The following PTPRR variants were observed in gnomAD, a reference collection of about 807,000 sequenced individuals.
PTPRR encodes the protein protein tyrosine phosphatase receptor type R, also known as receptor-type tyrosine-protein phosphatase R.
PTPRR carries 38 observed loss-of-function variants against 77.2 expected under a neutral mutation model. The observed-to-expected ratio is 0.49, with a 90% CI of 0.38 to 0.65. The LOEUF (loss-of-function observed/expected upper bound fraction) is 0.65. PTPRR is among the 30% of genes least tolerant of loss of function. PTPRR has a pLI of 0.00. For synonymous variants in PTPRR, 299 were observed against 283.1 expected (o/e 1.06, Z -0.57); for missense variants, 744 against 799.2 (o/e 0.93, Z 0.83).
intron 1 of PTPRR, among the ~76,000 whole-genome samples, chr12:70,896,850 A>T (rs10748161): frequency 0.29 from 43,408 of 151,316 alleles, 7,034 homozygotes; most frequent in East Asian, 0.48. Flanking sequence ...TTTTCCCAGC[A>T]CCATTTATTA....
intron 2 of PTPRR, among the ~76,000 whole-genome samples, chr12:70,818,274 A>T (rs555202152): frequency 3.4e-4 from 52 of 151,848 alleles, no homozygotes; most frequent in African/African-American, 1.3e-3. Flanking sequence ...TTTGTGAGAC[A>T]GGACATACAC....
chr12:70,643,411 G>A (rs549533632), intron 13 of PTPRR, among the ~76,000 whole-genome samples: 12 of 152,228 alleles, frequency 7.9e-5, no homozygotes, highest in Non-Finnish European at 1.6e-4. Context: ...CTAGGCTCAG[G>A]CAATCCATCC....
intron 2 of PTPRR, among the ~76,000 whole-genome samples, chr12:70,872,166 A>T (rs995510074): frequency 3.3e-5 from 5 of 152,194 alleles, no homozygotes; most frequent in African/African-American, 1.2e-4. Flanking sequence ...CCATCTAAAA[A>T]TGTAAACAGA....
intron 12 of PTPRR, among the ~76,000 whole-genome samples, chr12:70,658,129 T>G (rs1160264317): frequency 1.3e-5 from 2 of 152,224 alleles, no homozygotes; most frequent in Non-Finnish European, 2.9e-5. Context: ...TATTTTGCTG[T>G]CTTCCCTCCC....
intron 2 of PTPRR, among the ~76,000 whole-genome samples, chr12:70,863,073 A>G (rs1474618325): frequency 6.6e-6 from 1 of 152,166 alleles, no homozygotes; most frequent in East Asian, 1.9e-4. Flanking sequence ...ATTCTCTACT[A>G]GAGGTCTAAC....
Position 70,806,726 on chromosome 12 carries a change from C to T in PTPRR, c.358-41948G>A, listed in dbSNP as rs534457975. Among the ~76,000 whole-genome samples, 6 of 152,270 alleles carry T rather than the reference C, an allele frequency of 3.9e-5. No homozygotes were observed. The East Asian group carries it at 7.7e-4, about 20-fold the overall frequency. On this transcript the variant is annotated intron_variant, in intron 2 of 13. Transcript: ENST00000283228. ...TTCCATTGTTTATTCTGTTCGGAAT[C>T]GTAGTTCCCATTTCCTTTACCAAAT...
chr12:70,665,311 T>C (rs1275477190), intron 10 of PTPRR, among the ~76,000 whole-genome samples: 1 of 151,374 alleles, frequency 6.6e-6, no homozygotes, highest in Non-Finnish European at 1.5e-5. Flanking sequence ...ACCAGTGCTT[T>C]GTAACTGGTG....
At chr12:70,712,337 T>C (rs551933274) in intron 6 of PTPRR, among the ~76,000 whole-genome samples, 86 of 152,098 alleles carry the variant, frequency 5.7e-4, no homozygotes, top group African/African-American at 2.0e-3. Flanking sequence ...CATGGATGAA[T>C]GCCTAAATAT....
At chr12:70,639,631 T>C in intron 13 of PTPRR, 1 of 464,412 alleles carries the variant, frequency 2.2e-6, no homozygotes, top group Non-Finnish European at 2.9e-6. Context: ...GTATGCATCT[T>C]GGACAAATTC....
Position 70,782,645 on chromosome 12 carries a change from A to G in PTPRR, c.358-17867T>C, listed in dbSNP as rs1417080002. Among the ~76,000 whole-genome samples, 5 of 151,864 alleles carry G rather than the reference A, an allele frequency of 3.3e-5. No homozygotes were observed. The East Asian group carries it at 9.7e-4, about 29-fold the overall frequency. On this transcript the variant is annotated intron_variant, in intron 2 of 13. Coordinates refer to ENST00000283228, the MANE Select transcript of PTPRR (RefSeq NM_002849.4). The stretch of plus-strand genomic sequence containing the variant: ...ATAGTGGGAATTGAACAATGAGAAC[A>G]CTTGGACACAGGAAGGGAAACATCA...
chr12:70,897,567 T>G (rs368575792), intron 1 of PTPRR, among the ~76,000 whole-genome samples: 1 of 151,612 alleles, frequency 6.6e-6, no homozygotes, highest in Non-Finnish European at 1.5e-5. Context: ...GGACTGTAAA[T>G]TAGTTCAACC....
chr12:70,730,835 A>T (rs1889626929), intron 6 of PTPRR, among the ~76,000 whole-genome samples: 1 of 150,854 alleles, frequency 6.6e-6, no homozygotes, highest in African/African-American at 2.4e-5. Flanking sequence ...GAGGAAGGAG[A>T]GAGAATGAGA....
intron 2 of PTPRR, among the ~76,000 whole-genome samples, chr12:70,795,287 C>G (rs1592761885): frequency 6.6e-6 from 1 of 152,142 alleles, no homozygotes; most frequent in African/African-American, 2.4e-5. Flanking sequence ...AGGTGACATT[C>G]TTTCTAAATA....
intron 2 of PTPRR, among the ~76,000 whole-genome samples, chr12:70,826,018 A>G (rs1464961963): frequency 6.6e-6 from 1 of 152,160 alleles, no homozygotes; most frequent in East Asian, 1.9e-4. Context: ...TTCAGAAACT[A>G]AATTTCTCTA....
intron 2 of PTPRR, among the ~76,000 whole-genome samples, chr12:70,777,778 G>A (rs1028896789): frequency 1.3e-5 from 2 of 152,132 alleles, no homozygotes; most frequent in Non-Finnish European, 2.9e-5. Flanking sequence ...GAAGACATCT[G>A]AGCCCCCAGA....
chr12:70,684,912 T>G, intron 8 of PTPRR, 129 bp from the exon 9 acceptor site: 1 of 596,540 alleles, frequency 1.7e-6, no homozygotes, highest in East Asian at 3.1e-5. Flanking sequence ...TGTTTGTCTT[T>G]GGTGTCCATT....
intron 2 of PTPRR, among the ~76,000 whole-genome samples, chr12:70,834,265 G>A (rs1892264443): frequency 6.6e-6 from 1 of 152,130 alleles, no homozygotes; most frequent in Non-Finnish European, 1.5e-5. Flanking sequence ...TTACAGGGCT[G>A]TGTGCTTTTG....
chr12:70,802,760 G>A (rs1891639200), intron 2 of PTPRR, among the ~76,000 whole-genome samples: 1 of 152,032 alleles, frequency 6.6e-6, no homozygotes, highest in African/African-American at 2.4e-5. Flanking sequence ...TTTATAATTG[G>A]TGTCTATATC....
chr12:70,676,762 A>G (rs1338109565), intron 10 of PTPRR, among the ~76,000 whole-genome samples: 1 of 150,520 alleles, frequency 6.6e-6, no homozygotes, highest in Non-Finnish European at 1.5e-5. Context: ...ATTCCATTCC[A>G]TTGGTCTATG....
Sources: gnomAD v4.1 joint callset for allele counts (sites outside exome capture counted in the v4.1 genomes callset) on GRCh38, gnomAD v4.1.1 for gene constraint, MANE v1.5 for transcripts, NCBI Gene and HGNC (gene_info 2026-07-23, HGNC 2026-07-21) for gene names.